CSMD2: variants seen among roughly 807,000 people sequenced by gnomAD.
CSMD2 encodes the protein CUB and Sushi multiple domains 2.
In CSMD2, 130 loss-of-function variants were observed where a neutral mutation model predicts 398.5. The ratio of observed to expected loss-of-function variants is 0.33; its 90% CI spans 0.28 to 0.38. CSMD2 has a LOEUF of 0.38. Ranked by LOEUF, CSMD2 falls within the 10% of genes least tolerant of loss-of-function variation. The pLI is 1.00. For synonymous variants in CSMD2, 1,828 were observed against 1,908.5 expected, an observed-to-expected ratio of 0.96 and a Z score of 1.10; for missense variants, 3,829 against 4,764.9, an observed-to-expected ratio of 0.80 and a Z score of 5.78.
chr1:33,560,390 G>A (rs540411307), intron 53 of CSMD2, among the ~76,000 whole-genome samples: 1 of 152,328 alleles, frequency 6.6e-6, no homozygotes, highest in South Asian at 2.1e-4. Context: ...GGTATTTGCA[G>A]GCCACCATGC....
At chr1:34,020,769 G>A (rs958315264) in intron 3 of CSMD2, among the ~76,000 whole-genome samples, 5 of 152,140 alleles carry the variant, frequency 3.3e-5, no homozygotes, top group South Asian at 2.1e-4. Flanking sequence ...CCTTGCTCAC[G>A]AGGTGGTTAT....
intron 1 of CSMD2, among the ~76,000 whole-genome samples, chr1:34,116,664 A>T (rs1029358870): frequency 6.6e-5 from 10 of 152,156 alleles, no homozygotes; most frequent in African/African-American, 2.4e-4. Flanking sequence ...ACATATCTAG[A>T]ATACCCTACC....
rs541093937 is a variant in CSMD2 at position 33,923,908 on chromosome 1, C to T, written c.713-5607G>A. Among the ~76,000 whole-genome samples, 5 of 152,264 alleles carry T rather than the reference C, an allele frequency of 3.3e-5. No individual in the cohort carries two copies. The South Asian group carries it at 8.3e-4, about 25-fold the overall frequency. ...CACCTCCTGTCCATGGAAACATTGT[C>T]TTCCATGAAATTGGTTCCTGGTGCC... On this transcript the variant is annotated intron_variant, in intron 4 of 70. Coordinates refer to ENST00000373381, the MANE Select transcript of CSMD2 (RefSeq NM_001281956.2).
At chr1:33,625,331 G>T (rs1642047839) in intron 33 of CSMD2, 77 bp from the exon 34 acceptor site, 2 of 1,347,824 alleles carry the variant, frequency 1.5e-6, no homozygotes, top group Non-Finnish European at 1.0e-6. Context: ...AACGGGTCTG[G>T]AACAAAGACC....
At chr1:33,761,041 A>T (rs1264501944) in intron 13 of CSMD2, among the ~76,000 whole-genome samples, 2 of 152,162 alleles carry the variant, frequency 1.3e-5, no homozygotes, top group African/African-American at 4.8e-5. Context: ...TGACTGCTCG[A>T]CTGCCAACTG....
chr1:33,924,562 G>C (rs1044530263), intron 4 of CSMD2, among the ~76,000 whole-genome samples: 1 of 152,120 alleles, frequency 6.6e-6, no homozygotes, highest in African/African-American at 2.4e-5. Flanking sequence ...ACTCAGTAGT[G>C]GAATTGCTTG....
intron 5 of CSMD2, among the ~76,000 whole-genome samples, chr1:33,907,980 G>A (rs1019454555): frequency 4.0e-5 from 6 of 151,554 alleles, no homozygotes; most frequent in South Asian, 2.1e-4. Context: ...CTAGCTATTC[G>A]GGAGGCCGAG....
intron 2 of CSMD2, among the ~76,000 whole-genome samples, chr1:34,065,984 C>G (rs1655063398): frequency 6.6e-6 from 1 of 152,196 alleles, no homozygotes; most frequent in South Asian, 2.1e-4. Context: ...ATGGTCAAGA[C>G]ATAATGGTCA....
intron 2 of CSMD2, among the ~76,000 whole-genome samples, chr1:34,064,919 G>A (rs1229177564): frequency 6.6e-6 from 1 of 152,180 alleles, no homozygotes; most frequent in Non-Finnish European, 1.5e-5. Context: ...AGATGCAAAA[G>A]CGGAAAACTC....
intron 1 of CSMD2, among the ~76,000 whole-genome samples, chr1:34,151,208 C>T (rs1041178237): frequency 2.6e-5 from 4 of 152,198 alleles, no homozygotes; most frequent in African/African-American, 7.2e-5. Flanking sequence ...TAGCTTATAA[C>T]TGTCCCTGGG....
rs187099966 is a variant in CSMD2 at position 33,524,900 on chromosome 1, C to T, written c.10378G>A (p.Val3460Met). 1,125 of 1,614,148 alleles carry T rather than the reference C, an allele frequency of 7.0e-4. 8 individuals are homozygous for T. The highest frequency in any genetic ancestry group is 2.0e-4 in the East Asian group (9 of 44,880). Residue 3460 changes from valine (V) to methionine (M), a missense_variant, in exon 66 of 71, where the codon GTG becomes ATG. By Grantham distance (21) the Val-to-Met change is conservative (BLOSUM62 1). Transcript: ENST00000373381. The part of the protein sequence containing the change: ...VNATMIDHSG[V>M]ELHLAGTYKK... ...TCCTTACCAGCCAAGTGCAGCTCCA[C>T]GCCACTGTGGTCGATCATGGTGGCA...
At chr1:34,031,609 G>T (rs910308736) in intron 3 of CSMD2, among the ~76,000 whole-genome samples, 1 of 151,852 alleles carries the variant, frequency 6.6e-6, no homozygotes, top group Non-Finnish European at 1.5e-5. Flanking sequence ...TATACCCCCT[G>T]CCACCAGGGG....
chr1:33,602,106 C>T (rs549668419), intron 43 of CSMD2, among the ~76,000 whole-genome samples: 7 of 152,348 alleles, frequency 4.6e-5, no homozygotes, highest in Admixed American at 3.9e-4. Context: ...CATTAACACA[C>T]CCACTGGTAC....
At chr1:33,562,591 G>GTTAA (rs1377626338) in intron 53 of CSMD2, among the ~76,000 whole-genome samples, 2 of 152,192 alleles carry the variant, frequency 1.3e-5, no homozygotes, top group Non-Finnish European at 2.9e-5. Context: ...CCATGTGATG[G>GTTAA]TTAACTTCAC....
intron 3 of CSMD2, among the ~76,000 whole-genome samples, chr1:33,955,406 C>A (rs539906265): frequency 1.3e-5 from 2 of 152,002 alleles, no homozygotes; most frequent in Non-Finnish European, 2.9e-5. Flanking sequence ...TAATTACCCG[C>A]GTGTCCCTTC....
intron 3 of CSMD2, among the ~76,000 whole-genome samples, chr1:33,960,249 T>G (rs1210716513): frequency 6.6e-6 from 1 of 152,186 alleles, no homozygotes; most frequent in Non-Finnish European, 1.5e-5. Flanking sequence ...GGGATGGGTC[T>G]CGGCCTCAGA....
intron 13 of CSMD2, among the ~76,000 whole-genome samples, chr1:33,767,765 T>C (rs1650698622): frequency 6.6e-6 from 1 of 152,322 alleles, no homozygotes; most frequent in South Asian, 2.1e-4. Context: ...TTTGTCTAAC[T>C]CCTGTCAACC....
At chr1:34,122,699 A>G (rs1662318966) in intron 1 of CSMD2, among the ~76,000 whole-genome samples, 1 of 152,082 alleles carries the variant, frequency 6.6e-6, no homozygotes, top group Admixed American at 6.5e-5. Flanking sequence ...TCCATACCCC[A>G]TCTGTGCTCA....
At chr1:34,136,769 T>C (rs1406730347) in intron 1 of CSMD2, among the ~76,000 whole-genome samples, 1 of 152,230 alleles carries the variant, frequency 6.6e-6, no homozygotes, top group African/African-American at 2.4e-5. Flanking sequence ...CATCCTTCCA[T>C]CTACCAACCA....
Sources: gnomAD v4.1 joint callset for allele counts (sites outside exome capture counted in the v4.1 genomes callset) on GRCh38, gnomAD v4.1.1 for gene constraint, MANE v1.5 for transcripts, NCBI Gene and HGNC (gene_info 2026-07-23, HGNC 2026-07-21) for gene names.